Variants in JAKMIP3 observed in about 807,000 individuals in gnomAD.
JAKMIP3 encodes janus kinase and microtubule-interacting protein 3.
JAKMIP3 carries 58 observed loss-of-function variants against 118.5 expected under a neutral mutation model. The ratio of observed to expected loss-of-function variants is 0.49; its 90% confidence interval spans 0.40 to 0.61. The LOEUF (loss-of-function observed/expected upper bound fraction) is 0.61, where lower values mean the gene tolerates loss of function less well. Among genes scored for constraint, JAKMIP3 ranks in the 20% least tolerant of loss-of-function variants. The pLI, the probability that JAKMIP3 is intolerant of heterozygous loss-of-function variation, is 0.00. For missense variants in JAKMIP3, 950 were observed against 1,109.0 expected (o/e 0.86, Z 2.04); for synonymous variants, 486 against 451.2 (o/e 1.08, Z -0.98).
In JAKMIP3 at chr10:132,140,407, G is replaced by C. The variant is rs766533789; in HGVS notation, c.1345-44G>C. 2.0e-5 allele frequency: 32 copies of C among 1,610,786 alleles called. 1 individual carries two copies. The South Asian group carries it at 2.7e-4, about 14-fold the overall frequency. ...GGAGGCGGCGGGAGGAGGCGGCTGT[G>C]CCTGGGTCTGGTTTGAACTGACACG... On this transcript the variant is annotated intron_variant, in intron 9 of 23. Coordinates refer to ENST00000684848, the MANE Select transcript of JAKMIP3 (RefSeq NM_001323087.2).
Position 132,145,513 on chromosome 10 carries a change from G to C in JAKMIP3, c.1687-5G>C, listed in dbSNP as rs1040177741. 7.7e-6 allele frequency: 12 copies of C among 1,555,806 alleles called. No homozygotes were observed. Among genetic ancestry groups the C allele is most frequent in the African/African-American group, 1.4e-5 (1 of 73,286 alleles). On this transcript the variant is annotated splice_region_variant and splice_polypyrimidine_tract_variant and intron_variant, in intron 12 of 23. Coordinates refer to ENST00000684848, the MANE Select transcript of JAKMIP3 (RefSeq NM_001323087.2). ...GTCTTTATTTCTTTCAATTCCATTTGCAAGGATATGAAGTGGATTGAAGAG... is the reference window on the plus strand; with the variant it reads ...GTCTTTATTTCTTTCAATTCCATTTCCAAGGATATGAAGTGGATTGAAGAG...
chr10:132,114,340 A>G (rs1006584083), intron 2 of JAKMIP3, among the ~76,000 whole-genome samples: 5 of 152,188 alleles, frequency 3.3e-5, no homozygotes, highest in African/African-American at 4.8e-5. Context: ...TCATCTTCCC[A>G]AGTAGCTGGG....
At chr10:132,172,945 A>C (rs1458643432) in intron 23 of JAKMIP3, among the ~76,000 whole-genome samples, 6 of 120,254 alleles carry the variant, frequency 5.0e-5, no homozygotes, top group African/African-American at 1.3e-4. Context: ...TTCCCTCTCT[A>C]CTTCCTTCTC....
At chr10:132,153,695 G>C in intron 17 of JAKMIP3, 64 bp from the exon 18 acceptor site, 1 of 1,504,968 alleles carries the variant, frequency 6.6e-7, no homozygotes, top group Non-Finnish European at 9.2e-7. Flanking sequence ...TCTCCCAGCT[G>C]TCTCCACGAG....
At chr10:132,123,536 T>A (rs532486778) in intron 3 of JAKMIP3, among the ~76,000 whole-genome samples, 1 of 152,316 alleles carries the variant, frequency 6.6e-6, no homozygotes, top group Non-Finnish European at 1.5e-5. Context: ...GGTCAGTTTC[T>A]CCCCAAGTGC....
upstream of JAKMIP3, among the ~76,000 whole-genome samples, chr10:132,064,157 T>G (rs1052317579): frequency 4.6e-5 from 7 of 152,244 alleles, no homozygotes. This position sits in a 1 kb window ranked among gnomAD's most constrained non-coding sequence, Gnocchi z 4.4. Flanking sequence ...ACGTCTAGGA[T>G]GTTTCCAATT....
chr10:132,109,413 A>C (rs1409107292), intron 2 of JAKMIP3, among the ~76,000 whole-genome samples: 3 of 152,186 alleles, frequency 2.0e-5, no homozygotes, highest in Non-Finnish European at 2.9e-5. Flanking sequence ...TTAACGAATG[A>C]CCTCATTTGG....
chr10:132,104,669 C>A lies in JAKMIP3; in HGVS notation c.-137-3C>A. ...GCTCACCGCGGTGTGCTTTCCCCTC[C>A]AGGTGAATGAGAAGATGTAGTGTGA... On this transcript the variant is annotated splice_region_variant and splice_polypyrimidine_tract_variant and intron_variant, in intron 1 of 23. Coordinates refer to ENST00000684848, the MANE Select transcript of JAKMIP3 (RefSeq NM_001323087.2). The A allele has an allele frequency of 1.2e-6, 1 of 839,618 alleles. No homozygotes were observed. Among genetic ancestry groups the A allele is most frequent in the Non-Finnish European group, 1.9e-6 (1 of 537,966 alleles). The allele number at this position is 839,618 out of a possible 1,614,324, so 52.0% of individuals were successfully genotyped here.
At chr10:132,056,167 TG>T (rs1294051360) in intron 1 of JAKMIP3, among the ~76,000 whole-genome samples, 2 of 152,144 alleles carry the variant, frequency 1.3e-5, no homozygotes, top group African/African-American at 4.8e-5. Context: ...TGGTGAGCGG[TG>T]GGACCCTGGG....
At chr10:132,040,547 T>G (rs571719242) in intron 1 of JAKMIP3, among the ~76,000 whole-genome samples, 2 of 152,216 alleles carry the variant, frequency 1.3e-5, no homozygotes, top group Non-Finnish European at 2.9e-5. Context: ...ATGAGCATTT[T>G]TTTACTATTC....
chr10:132,078,629 G>T (rs868139810), intron 1 of JAKMIP3, among the ~76,000 whole-genome samples: 5 of 152,022 alleles, frequency 3.3e-5, no homozygotes, highest in African/African-American at 9.7e-5. Flanking sequence ...CGGGGGGGGG[G>T]GGGGGTCCCG....
At position 132,108,926 on chromosome 10, in the gene JAKMIP3, T is replaced by C. The variant is rs183915932; in HGVS notation, c.135+3983T>C. On this transcript the variant is annotated intron_variant, in intron 2 of 23. Coordinates refer to ENST00000684848, the MANE Select transcript of JAKMIP3 (RefSeq NM_001323087.2). Reference sequence around the variant, plus strand: ...TACGCAAATGTATATATAAATTATATACGCAAATGTATATATAAATTATAT... The same window carrying C: ...TACGCAAATGTATATATAAATTATACACGCAAATGTATATATAAATTATAT... Among the ~76,000 whole-genome samples the C allele has an allele frequency of 2.9e-3, 420 of 144,262 alleles. 18 individuals carry two copies. Among genetic ancestry groups the C allele is most frequent in the African/African-American group, 0.011 (395 of 36,164 alleles). 94.6% of individuals were successfully genotyped at this position (144,262 alleles called of 152,430 possible).
chr10:132,060,829 G>A (rs140501893), upstream of JAKMIP3, among the ~76,000 whole-genome samples: 620 of 152,238 alleles, frequency 4.1e-3, 3 homozygotes, highest in African/African-American at 0.014. Context: ...AGACCAGCTC[G>A]GCCAACATGG....
At chr10:132,120,121 C>T (rs1338570530) in intron 3 of JAKMIP3, among the ~76,000 whole-genome samples, 1 of 152,246 alleles carries the variant, frequency 6.6e-6, no homozygotes, top group Non-Finnish European at 1.5e-5. Flanking sequence ...AATACAAGGA[C>T]AGTCAGAAAT....
chr10:132,119,824 T>C (rs888342271), intron 3 of JAKMIP3, among the ~76,000 whole-genome samples: 6 of 152,216 alleles, frequency 3.9e-5, no homozygotes, highest in African/African-American at 1.4e-4. Flanking sequence ...AACTCTACAA[T>C]GAACACGTCA....
chr10:132,147,372 C>A (rs11146213), intron 13 of JAKMIP3, among the ~76,000 whole-genome samples: 64,643 of 152,142 alleles, frequency 0.42, 15,531 homozygotes, highest in Admixed American at 0.62. Context: ...TGTCACTTGA[C>A]CCTTTGGAAG....
chr10:132,178,227 A>T (rs772300365), intron 23 of JAKMIP3, among the ~76,000 whole-genome samples: 6 of 152,222 alleles, frequency 3.9e-5, no homozygotes, highest in Non-Finnish European at 7.3e-5. Flanking sequence ...CATCCGTGTG[A>T]GCCACATGGG....
At chr10:132,085,628 G>A (rs2042300565) in intron 1 of JAKMIP3, among the ~76,000 whole-genome samples, 1 of 151,894 alleles carries the variant, frequency 6.6e-6, no homozygotes, top group African/African-American at 2.4e-5. Context: ...AGCCTCCCGA[G>A]TAGCTGGGAC....
chr10:132,107,247 C>A (rs1423803087), intron 2 of JAKMIP3, among the ~76,000 whole-genome samples: 1 of 152,190 alleles, frequency 6.6e-6, no homozygotes, highest in Admixed American at 6.5e-5. Context: ...CAGGTTTAGT[C>A]CCCAGTTCTC....
Sources: gnomAD v4.1 joint callset for allele counts (sites outside exome capture counted in the v4.1 genomes callset) on GRCh38, gnomAD v4.1.1 for gene constraint, Gnocchi (gnomAD v3.1) non-coding constraint, MANE v1.5 for transcripts, NCBI Gene and HGNC (gene_info 2026-07-23, HGNC 2026-07-21) for gene names.